Variants in RALYL observed in about 807,000 individuals in gnomAD.
RALYL encodes RNA-binding Raly-like protein.
Under a neutral mutation model 35.1 loss-of-function variants are expected in RALYL, and 29 were observed. That is an observed-to-expected ratio of 0.83 (90% CI 0.61 to 1.13). The LOEUF (loss-of-function observed/expected upper bound fraction) is 1.13. Among genes scored for constraint, RALYL ranks in the 50% most tolerant of loss-of-function variants. The pLI is 0.00. For missense variants in RALYL, 359 were observed against 360.4 expected, an observed-to-expected ratio of 1.00 and a Z score of 0.03; for synonymous variants, 120 against 127.6, an observed-to-expected ratio of 0.94 and a Z score of 0.40.
chr8:84,250,916 C>T (rs1830068271), intron 1 of RALYL, among the ~76,000 whole-genome samples: 1 of 152,134 alleles, frequency 6.6e-6, no homozygotes, highest in Non-Finnish European at 1.5e-5. Flanking sequence ...ACCATATCTC[C>T]TGGGTTGATC....
intron 2 of RALYL, among the ~76,000 whole-genome samples, chr8:84,728,889 G>T (rs1394293510): frequency 6.6e-6 from 1 of 152,088 alleles, no homozygotes; most frequent in South Asian, 2.1e-4. Flanking sequence ...CTTGTAGTGT[G>T]GTTTGAAGTC....
chr8:84,784,233 T>C (rs774336255), intron 3 of RALYL, among the ~76,000 whole-genome samples: 1 of 152,148 alleles, frequency 6.6e-6, no homozygotes, highest in Non-Finnish European at 1.5e-5. Context: ...AGACGGACCG[T>C]GTAACTTCTA....
At chr8:84,610,382 G>A (rs548571894) in intron 2 of RALYL, among the ~76,000 whole-genome samples, 1 of 152,050 alleles carries the variant, frequency 6.6e-6, no homozygotes, top group Non-Finnish European at 1.5e-5. Context: ...TGATTAGACT[G>A]CAGATAGAGT....
chr8:84,318,833 G>C (rs554799528), intron 1 of RALYL, among the ~76,000 whole-genome samples: 1 of 152,168 alleles, frequency 6.6e-6, no homozygotes, highest in East Asian at 1.9e-4. Flanking sequence ...ATGTCCATTA[G>C]TTTCAATATC....
chr8:84,825,846 A>T (rs1263684494), intron 4 of RALYL, among the ~76,000 whole-genome samples: 1 of 152,096 alleles, frequency 6.6e-6, no homozygotes, highest in African/African-American at 2.4e-5. Context: ...CAGCCTGGGA[A>T]ATAAAGCAAG....
At chr8:84,836,367 C>T (rs1832025506) in intron 4 of RALYL, among the ~76,000 whole-genome samples, 2 of 152,094 alleles carry the variant, frequency 1.3e-5, no homozygotes, top group South Asian at 4.1e-4. Context: ...TTTTCTCTTC[C>T]TCAGGTGACA....
intron 1 of RALYL, among the ~76,000 whole-genome samples, chr8:84,359,269 T>G (rs1852466254): frequency 6.6e-6 from 1 of 151,730 alleles, no homozygotes. Flanking sequence ...AAACAAAAAT[T>G]TTCATTATTG....
At chr8:84,831,362 C>A (rs1477792826) in intron 4 of RALYL, among the ~76,000 whole-genome samples, 1 of 152,036 alleles carries the variant, frequency 6.6e-6, no homozygotes, top group Non-Finnish European at 1.5e-5. Context: ...AACACAAGAA[C>A]TCTGTGTTCA....
chr8:84,862,458 G>A lies in RALYL; in HGVS notation c.571+5G>A. 1 of 1,562,606 alleles carries A rather than the reference G, an allele frequency of 6.4e-7. No individual in the cohort carries two copies. The highest frequency in any genetic ancestry group is 1.2e-5 in the South Asian group (1 of 82,622). ...GTGGGTCAACAGGTTCTAAATGTAA[G>A]TAATGTCCTTCATTTTATTTCTCTT... On this transcript the variant is annotated splice_donor_5th_base_variant and intron_variant, in intron 6 of 8. Coordinates refer to ENST00000521268, the MANE Select transcript of RALYL (RefSeq NM_173848.7).
At chr8:84,245,492 G>A (rs1828883664) in intron 1 of RALYL, among the ~76,000 whole-genome samples, 2 of 152,102 alleles carry the variant, frequency 1.3e-5, no homozygotes, top group African/African-American at 2.4e-5. Flanking sequence ...CTGCTTGGGG[G>A]CCTTGATTCA....
intron 3 of RALYL, among the ~76,000 whole-genome samples, chr8:84,791,091 A>C (rs1820662854): frequency 6.6e-6 from 1 of 152,202 alleles, no homozygotes; most frequent in Non-Finnish European, 1.5e-5. Context: ...CTAATTATAA[A>C]TTAGAAGGTA....
intron 1 of RALYL, among the ~76,000 whole-genome samples, chr8:84,376,148 T>C (rs1856865779): frequency 6.6e-6 from 1 of 151,888 alleles, no homozygotes; most frequent in Non-Finnish European, 1.5e-5. Flanking sequence ...TAGCTTATGT[T>C]GTCATGAATA....
chr8:84,558,402 G>A (rs546609015), intron 2 of RALYL, among the ~76,000 whole-genome samples: 177 of 152,220 alleles, frequency 1.2e-3, no homozygotes, highest in African/African-American at 3.9e-3. Flanking sequence ...CTGCAAAACT[G>A]ACAGTTAAAA....
At chr8:84,209,433 A>G (rs1563535891) in intron 1 of RALYL, among the ~76,000 whole-genome samples, 1 of 152,174 alleles carries the variant, frequency 6.6e-6, no homozygotes, top group Non-Finnish European at 1.5e-5. Context: ...CCTACACTCT[A>G]AAAGCTTCCT....
chr8:84,450,313 T>A (rs1261658118), intron 1 of RALYL, among the ~76,000 whole-genome samples: 1 of 151,860 alleles, frequency 6.6e-6, no homozygotes, highest in Non-Finnish European at 1.5e-5. Flanking sequence ...AAATTTGCAG[T>A]CCAGTGAAGA....
intron 1 of RALYL, among the ~76,000 whole-genome samples, 184 bp downstream of exon 1, chr8:84,184,608 G>A (rs2130785974): frequency 6.6e-6 from 1 of 152,252 alleles, no homozygotes; most frequent in Non-Finnish European, 1.5e-5. Flanking sequence ...TCCGTTCCCT[G>A]CTTCAGGATC....
chr8:84,455,944 T>C (rs2050085557), intron 1 of RALYL, among the ~76,000 whole-genome samples: 1 of 152,016 alleles, frequency 6.6e-6, no homozygotes, highest in South Asian at 2.1e-4. Context: ...GCCATGCTAT[T>C]TCCTCTGCTT....
rs767910679 is a variant in RALYL, at chr8:84,756,160, TC to T, written c.257-18412del. Among the ~76,000 whole-genome samples the T allele has an allele frequency of 5.9e-5, 9 of 151,580 alleles. No homozygotes were observed. The South Asian group carries it at 1.3e-3, about 21-fold the overall frequency. ...TTACCCCTATGGCACCTATTTCTCA[TC>T]CCCCCCAAAAAAACCAATAAGATTA... is the stretch of plus-strand genomic sequence containing the variant. On this transcript the variant is annotated intron_variant, in intron 2 of 8. Coordinates refer to ENST00000521268, the MANE Select transcript of RALYL (RefSeq NM_173848.7).
At chr8:84,678,430 A>G (rs1386556698) in intron 2 of RALYL, among the ~76,000 whole-genome samples, 3 of 151,626 alleles carry the variant, frequency 2.0e-5, no homozygotes, top group Admixed American at 1.3e-4. Context: ...CACCCGGATA[A>G]TTTTTTTCAC....
Sources: allele counts gnomAD v4.1 joint callset (sites outside exome capture counted in the v4.1 genomes callset), GRCh38; gene constraint gnomAD v4.1.1; transcripts MANE v1.5; gene names NCBI Gene and HGNC (gene_info 2026-07-23, HGNC 2026-07-21).